CYTH1: variants seen among roughly 807,000 people sequenced by gnomAD.
CYTH1 encodes cytohesin-1.
A neutral mutation model predicts 61.8 loss-of-function variants in CYTH1; 18 were observed. The observed-to-expected ratio is 0.29, with a 90% CI of 0.20 to 0.43. CYTH1 has a LOEUF of 0.43. CYTH1 is among the 20% of genes least tolerant of loss of function. The pLI, the probability that CYTH1 is intolerant of heterozygous loss-of-function variation, is 1.00. For synonymous variants in CYTH1, 174 were observed against 184.3 expected, an observed-to-expected ratio of 0.94 and a Z score of 0.45; for missense variants, 336 against 510.5, an observed-to-expected ratio of 0.66 and a Z score of 3.29.
chr17:78,691,308 T>A (rs2092883290), intron 11 of CYTH1: 1 of 152,230 alleles, frequency 6.6e-6, no homozygotes, highest in African/African-American at 2.4e-5. Flanking sequence ...GGTGAGAAGC[T>A]GCATGTGCAT....
At chr17:78,763,934 A>G (rs1157940651) in intron 1 of CYTH1, among the ~76,000 whole-genome samples, 1 of 152,074 alleles carries the variant, frequency 6.6e-6, no homozygotes, top group East Asian at 1.9e-4. Context: ...AACATGGCCA[A>G]ACCCTGTCTC....
Position 78,700,363 on chromosome 17 carries a change from C to A in CYTH1, c.518G>T (p.Cys173Phe). 6.2e-7 allele frequency: 1 copy of A among 1,613,374 alleles called. No individual in the cohort carries two copies. Among genetic ancestry groups the A allele is most frequent in the Non-Finnish European group, 8.5e-7 (1 of 1,179,626 alleles). ...RMMEAFAQRY[C>F]QCNNGVFQST... ...CTGGAACACGCCATTATTGCACTGACAATATCGCTGGGCAAACGCCTCCAT... is the reference window on the plus strand; with the variant it reads ...CTGGAACACGCCATTATTGCACTGAAAATATCGCTGGGCAAACGCCTCCAT... Residue 173 changes from cysteine to phenylalanine, a missense_variant, in exon 7 of 14, where the codon TGT becomes TTT. Transcript: ENST00000446868. This position sits in a 1 kb window ranked among gnomAD's most constrained non-coding sequence, Gnocchi z 5.1.
intron 4 of CYTH1, 125 bp from the exon 5 acceptor site, chr17:78,702,365 C>A: frequency 1.0e-6 from 1 of 995,462 alleles, no homozygotes. Context: ...TGCTAAGTGA[C>A]CTATAAAGCC....
At chr17:78,706,534 G>A (rs2093068826) in intron 3 of CYTH1, among the ~76,000 whole-genome samples, 2 of 152,184 alleles carry the variant, frequency 1.3e-5, no homozygotes, top group Admixed American at 1.3e-4. Flanking sequence ...GTCACCTGCT[G>A]GCAGCCATTC....
chr17:78,780,006 C>CAG (rs1187691011), intron 1 of CYTH1, among the ~76,000 whole-genome samples: 3 of 152,186 alleles, frequency 2.0e-5, no homozygotes, highest in Non-Finnish European at 4.4e-5. Context: ...GCAACCAGAC[C>CAG]AATAGCTTCC....
chr17:78,725,502 C>T (rs764621991), intron 1 of CYTH1, among the ~76,000 whole-genome samples: 2 of 152,190 alleles, frequency 1.3e-5, no homozygotes, highest in Non-Finnish European at 2.9e-5. Flanking sequence ...TTTGAGGTGA[C>T]ATCACTGGTT....
At chr17:78,746,252 C>T (rs2093359111) in intron 1 of CYTH1, among the ~76,000 whole-genome samples, 2 of 152,174 alleles carry the variant, frequency 1.3e-5, no homozygotes, top group Admixed American at 6.5e-5. Flanking sequence ...ACAGGCATCA[C>T]TGCAAAGATA....
At chr17:78,713,216 G>A (rs534984252) in intron 1 of CYTH1, among the ~76,000 whole-genome samples, 4 of 151,904 alleles carry the variant, frequency 2.6e-5, no homozygotes, top group Non-Finnish European at 5.9e-5. Context: ...CTACAGAAAC[G>A]CATGTTTAAA....
At chr17:78,763,504 C>A (rs1248080721) in intron 1 of CYTH1, among the ~76,000 whole-genome samples, 2 of 151,910 alleles carry the variant, frequency 1.3e-5, no homozygotes, top group Admixed American at 6.6e-5. Context: ...TAGTAGTGAA[C>A]CCTATATACA....
At chr17:78,715,650 C>G (rs2093174591) in intron 1 of CYTH1, among the ~76,000 whole-genome samples, 1 of 152,152 alleles carries the variant, frequency 6.6e-6, no homozygotes, top group Non-Finnish European at 1.5e-5. Flanking sequence ...GACTGGGCAA[C>G]AGGAAAAACT....
At chr17:78,743,440 A>G (rs1057153238) in intron 1 of CYTH1, among the ~76,000 whole-genome samples, 3 of 152,152 alleles carry the variant, frequency 2.0e-5, no homozygotes, top group Admixed American at 6.5e-5. Flanking sequence ...TCCCTGAAAC[A>G]TGCCCAAATC....
At chr17:78,773,661 T>A (rs984458176) in intron 1 of CYTH1, among the ~76,000 whole-genome samples, 5 of 151,958 alleles carry the variant, frequency 3.3e-5, no homozygotes, top group African/African-American at 9.7e-5. Flanking sequence ...TAAATTAAAT[T>A]TTCTAAAAAT....
chr17:78,687,204 G>A (rs539721877), intron 11 of CYTH1, among the ~76,000 whole-genome samples: 1 of 151,882 alleles, frequency 6.6e-6, no homozygotes, highest in Non-Finnish European at 1.5e-5. Flanking sequence ...CCTGCAACTA[G>A]ATAGTCCCAT....
intron 1 of CYTH1, among the ~76,000 whole-genome samples, chr17:78,755,991 C>T (rs1287327335): frequency 1.3e-5 from 2 of 151,298 alleles, no homozygotes; most frequent in Non-Finnish European, 2.9e-5. Flanking sequence ...AAATATTGTG[C>T]TTTATTGTGA....
At chr17:78,754,731 G>A (rs898512054) in intron 1 of CYTH1, among the ~76,000 whole-genome samples, 2 of 150,868 alleles carry the variant, frequency 1.3e-5, no homozygotes, top group African/African-American at 4.9e-5. Flanking sequence ...CTTTTTTAAG[G>A]TAAATCCATT....
chr17:78,744,163 C>G (rs1445068611), intron 1 of CYTH1, among the ~76,000 whole-genome samples: 2 of 152,160 alleles, frequency 1.3e-5, no homozygotes, highest in Non-Finnish European at 2.9e-5. Context: ...ATCTTCACAG[C>G]CTTCTTCAGA....
intron 1 of CYTH1, among the ~76,000 whole-genome samples, chr17:78,777,192 G>T (rs1472435294): frequency 1.3e-5 from 2 of 148,296 alleles, no homozygotes; most frequent in Non-Finnish European, 3.0e-5. Flanking sequence ...TTGGGAGGCG[G>T]ATGGATCACG....
intron 2 of CYTH1, 125 bp downstream of exon 2, chr17:78,709,525 C>A: frequency 1.2e-6 from 1 of 868,866 alleles, no homozygotes; most frequent in Non-Finnish European, 1.9e-6. Flanking sequence ...ACGCTTTGTG[C>A]AGAGCTGTAG....
At chr17:78,768,898 C>T (rs981555270) in intron 1 of CYTH1, among the ~76,000 whole-genome samples, 11 of 152,134 alleles carry the variant, frequency 7.2e-5, no homozygotes, top group African/African-American at 2.7e-4. Flanking sequence ...CTCACACCAG[C>T]ACCTTGGGAG....
Sources: gnomAD v4.1 joint callset for allele counts (sites outside exome capture counted in the v4.1 genomes callset) on GRCh38, gnomAD v4.1.1 for gene constraint, Gnocchi (gnomAD v3.1) non-coding constraint, MANE v1.5 for transcripts, NCBI Gene and HGNC (gene_info 2026-07-23, HGNC 2026-07-21) for gene names.